The following NLGN1 variants were observed in gnomAD, a reference collection of about 807,000 sequenced individuals.
The protein encoded by NLGN1 is neuroligin-1.
NLGN1 carries 12 observed loss-of-function variants against 65.5 expected under a neutral mutation model. The observed-to-expected ratio is 0.18, with a 90% CI of 0.12 to 0.30. The LOEUF (loss-of-function observed/expected upper bound fraction) is 0.30, where lower values mean the gene tolerates loss of function less well. Among genes scored for constraint, NLGN1 ranks in the 10% least tolerant of loss-of-function variants. NLGN1 has a pLI of 1.00. For missense variants in NLGN1, 750 were observed against 1,007.1 expected, an observed-to-expected ratio of 0.74 and a Z score of 3.46; for synonymous variants, 350 against 359.5, an observed-to-expected ratio of 0.97 and a Z score of 0.30.
chr3:173,558,437 A>G (rs534786178), intron 2 of NLGN1, among the ~76,000 whole-genome samples: 1 of 152,142 alleles, frequency 6.6e-6, no homozygotes, highest in Non-Finnish European at 1.5e-5. Flanking sequence ...CTCCTCCTGT[A>G]TTCCAAATAC....
At chr3:173,800,299 T>G (rs894795942) in intron 3 of NLGN1, 3 of 1,195,710 alleles carry the variant, frequency 2.5e-6, no homozygotes, top group African/African-American at 1.6e-5. Context: ...CTAGGTCCCC[T>G]TACAAAGAAA....
At chr3:173,589,501 TTTTA>T (rs202152546) in intron 2 of NLGN1, among the ~76,000 whole-genome samples, 3 of 152,308 alleles carry the variant, frequency 2.0e-5, no homozygotes, top group Admixed American at 6.5e-5. Context: ...GCTTGCTTAC[TTTTA>T]TTTATTTATT....
At chr3:173,933,015 C>A (rs966284031) in intron 4 of NLGN1, among the ~76,000 whole-genome samples, 1 of 152,156 alleles carries the variant, frequency 6.6e-6, no homozygotes, top group Admixed American at 6.6e-5. Flanking sequence ...TTGGAAGATA[C>A]TCAAAGAATC....
intron 4 of NLGN1, among the ~76,000 whole-genome samples, chr3:174,043,872 G>T (rs1732917854): frequency 6.6e-6 from 1 of 152,074 alleles, no homozygotes; most frequent in Admixed American, 6.5e-5. Context: ...CTTATGCACT[G>T]CCCTGGCAGA....
At chr3:173,754,537 T>C (rs2046718) in intron 3 of NLGN1, among the ~76,000 whole-genome samples, 105,762 of 151,966 alleles carry the variant, frequency 0.7, 38,237 homozygotes, top group East Asian at 0.93. Context: ...TCTCTACTAA[T>C]AGTTCTATTA....
intron 4 of NLGN1, among the ~76,000 whole-genome samples, chr3:174,058,554 C>T (rs1736679021): frequency 6.6e-6 from 1 of 152,020 alleles, no homozygotes; most frequent in African/African-American, 2.4e-5. Context: ...TACTCGTATA[C>T]ATTTGTTGAA....
At chr3:174,089,295 T>A (rs1744055935) in intron 4 of NLGN1, among the ~76,000 whole-genome samples, 3 of 152,188 alleles carry the variant, frequency 2.0e-5, no homozygotes, top group South Asian at 2.1e-4. Context: ...GCTTAAAATA[T>A]TTTCTCTGGA....
intron 4 of NLGN1, among the ~76,000 whole-genome samples, chr3:174,109,777 A>G (rs909140682): frequency 3.3e-5 from 5 of 152,042 alleles, no homozygotes; most frequent in African/African-American, 1.2e-4. Context: ...TATTCCTTCC[A>G]GTTTTGTGTT....
rs1721331122 is a variant in NLGN1, at chr3:173,450,690, C to G, written c.-321+15612C>G. On this transcript the variant is annotated intron_variant, in intron 2 of 6. Coordinates refer to ENST00000457714, the Ensembl canonical transcript of NLGN1. ...TTGGTTCCATTCTCCCCGTCACTTT[C>G]AGGTACAACAATCAGACGTAGTTTT... Among the ~76,000 whole-genome samples, 3 of 152,224 alleles carry G rather than the reference C, an allele frequency of 2.0e-5. No individual in the cohort carries two copies. The South Asian group carries it at 6.2e-4, about 31-fold the overall frequency.
chr3:173,474,915 G>A lies in NLGN1; in HGVS notation c.-321+39837G>A, dbSNP rs552351727. 4.6e-5 allele frequency among the ~76,000 whole-genome samples: 7 copies of A among 151,940 alleles called. No individual in the cohort carries two copies. In the East Asian group the frequency reaches 1.2e-3, roughly 25 times the overall value. The stretch of plus-strand genomic sequence containing the variant: ...AGAGGTTGCAGTGAGTGGAGATCCC[G>A]CCACTGCACTCCAGCCTGGGCAACA... On this transcript the variant is annotated intron_variant, in intron 2 of 6. Transcript: ENST00000457714.
At chr3:174,096,020 A>AAT in intron 4 of NLGN1, among the ~76,000 whole-genome samples, 1 of 151,762 alleles carries the variant, frequency 6.6e-6, no homozygotes, top group Non-Finnish European at 1.5e-5. Flanking sequence ...TAAATAAATA[A>AAT]AAAGTAATTA....
At position 174,063,614 on chromosome 3, in the gene NLGN1, T is replaced by G. The variant is rs1207019638; in HGVS notation, c.647-211701T>G. On this transcript the variant is annotated intron_variant, in intron 4 of 6. Coordinates refer to ENST00000457714, the Ensembl canonical transcript of NLGN1. The stretch of plus-strand genomic sequence containing the variant: ...ATTATGTCATGAGGTTCTTATATTT[T>G]ATATACAGTACTAAAATTTGTTATC... Among the ~76,000 whole-genome samples the G allele has an allele frequency of 5.3e-5, 8 of 151,906 alleles. No homozygotes were observed. In the East Asian group the frequency reaches 1.5e-3, roughly 29 times the overall value.
At chr3:173,690,139 T>A (rs879934912) in intron 3 of NLGN1, among the ~76,000 whole-genome samples, 3 of 152,146 alleles carry the variant, frequency 2.0e-5, no homozygotes, top group Non-Finnish European at 2.9e-5. Context: ...AGTGAGCCCA[T>A]TTTATAGGCG....
Position 173,567,622 on chromosome 3 carries a change from TAAA to T in NLGN1, c.-320-36655_-320-36653del, listed in dbSNP as rs572245332. Among the ~76,000 whole-genome samples, 642 of 151,552 alleles carry T rather than the reference TAAA, an allele frequency of 4.2e-3. 6 individuals are homozygous for T. The highest frequency in any genetic ancestry group is 0.014 in the African/African-American group (601 of 41,480). On this transcript the variant is annotated intron_variant, in intron 2 of 6. Transcript: ENST00000457714. Reference sequence around the variant, plus strand: ...TTTACTGTATTTTTATATAATATAATAAAATAATATTTATCAAGTGTATTAGCA... The same window carrying T: ...TTTACTGTATTTTTATATAATATAATATAATATTTATCAAGTGTATTAGCA...
intron 4 of NLGN1, among the ~76,000 whole-genome samples, chr3:174,171,980 A>G (rs1484804392): frequency 6.6e-6 from 1 of 152,124 alleles, no homozygotes; most frequent in East Asian, 1.9e-4. Context: ...TGAGACCCAA[A>G]TTCTAATATA....
Position 173,460,996 on chromosome 3 carries a change from A to G in NLGN1, c.-321+25918A>G, listed in dbSNP as rs146987921. Among the ~76,000 whole-genome samples the G allele has an allele frequency of 1.8e-4, 27 of 152,288 alleles. No homozygotes were observed. The East Asian group carries it at 3.9e-3, about 22-fold the overall frequency. ...ATTTCTGTGATTACATCTGGATGGT[A>G]TCTCATACAAGGATGAATCAAAGAG... On this transcript the variant is annotated intron_variant, in intron 2 of 6. Coordinates refer to ENST00000457714, the Ensembl canonical transcript of NLGN1.
At chr3:173,604,667 G>T (rs773646291) in exon 3 of NLGN1, 3 of 1,613,710 alleles carry the variant, frequency 1.9e-6, no homozygotes, top group Non-Finnish European at 2.5e-6. Flanking sequence ...TGGTACACCG[G>T]GGATTGGGTG....
At chr3:173,706,007 A>G (rs900765279) in intron 3 of NLGN1, among the ~76,000 whole-genome samples, 3 of 152,146 alleles carry the variant, frequency 2.0e-5, no homozygotes, top group Non-Finnish European at 4.4e-5. Context: ...TTATGAGTTT[A>G]TGACAACTAA....
At chr3:174,189,010 T>G (rs969645915) in intron 4 of NLGN1, among the ~76,000 whole-genome samples, 1 of 151,976 alleles carries the variant, frequency 6.6e-6, no homozygotes, top group Non-Finnish European at 1.5e-5. Flanking sequence ...AACATTAAAG[T>G]CACACCAAAT....
Sources: gnomAD v4.1 joint callset for allele counts (sites outside exome capture counted in the v4.1 genomes callset) on GRCh38, gnomAD v4.1.1 for gene constraint, MANE v1.5 for transcripts, NCBI Gene and HGNC (gene_info 2026-07-23, HGNC 2026-07-21) for gene names.